Variants in PEX5L observed in about 807,000 individuals in gnomAD.
PEX5L encodes the protein peroxisomal biogenesis factor 5 like.
Under a neutral mutation model 84.0 loss-of-function variants are expected in PEX5L, and 30 were observed. The ratio of observed to expected loss-of-function variants is 0.36; its 90% CI spans 0.27 to 0.48. The LOEUF is 0.48. PEX5L is among the 20% of genes least tolerant of loss of function. PEX5L has a pLI of 0.99. For missense variants in PEX5L, 533 were observed against 754.6 expected, an observed-to-expected ratio of 0.71 and a Z score of 3.44; for synonymous variants, 270 against 283.1, an observed-to-expected ratio of 0.95 and a Z score of 0.46.
At chr3:179,992,127 CAGAGT>C (rs1323269057) in intron 1 of PEX5L, among the ~76,000 whole-genome samples, 1 of 152,078 alleles carries the variant, frequency 6.6e-6, no homozygotes, top group Non-Finnish European at 1.5e-5. Context: ...AAAATGAAGA[CAGAGT>C]AGAGACACAG....
rs372933029 is a variant in PEX5L at position 179,822,693 on chromosome 3, T to C, written c.823-2717A>G. ...TAACTGAGGGGATTTTATTTATTGA[T>C]GATTTTCTTAGCTCTTCTGGGATTT... On this transcript the variant is annotated intron_variant, in intron 8 of 14. Coordinates refer to ENST00000467460, the MANE Select transcript of PEX5L (RefSeq NM_016559.3). Among the ~76,000 whole-genome samples, 6 of 152,358 alleles carry C rather than the reference T, an allele frequency of 3.9e-5. No homozygotes were observed. In the East Asian group the frequency reaches 1.2e-3, roughly 29 times the overall value.
In PEX5L at chr3:179,795,074, C is replaced by CA. The variant is rs1265687483; in HGVS notation, c.*6753dup. 1.3e-5 allele frequency: 2 copies of CA among 151,744 alleles called. No homozygotes were observed. Among genetic ancestry groups the CA allele is most frequent in the East Asian group, 3.9e-4 (2 of 5,174 alleles). The allele number at this position is 151,744 out of a possible 1,614,324, so 9.4% of individuals were successfully genotyped here. ...GATTTTTAAAGTTTTGTTTTATATC[C>CA]AAAAATGCATTCCTGATTTCCAGAT... On this transcript the variant is annotated 3_prime_UTR_variant, in exon 15 of 15. Coordinates refer to ENST00000467460, the MANE Select transcript of PEX5L (RefSeq NM_016559.3).
intron 2 of PEX5L, among the ~76,000 whole-genome samples, chr3:179,917,396 TAAGTA>T (rs1156949830): frequency 6.6e-6 from 1 of 152,194 alleles, no homozygotes; most frequent in Admixed American, 6.5e-5. Flanking sequence ...AATGTATAGT[TAAGTA>T]AATATATAAA....
chr3:180,020,216 G>T (rs897443188), intron 1 of PEX5L, among the ~76,000 whole-genome samples: 4 of 151,958 alleles, frequency 2.6e-5, no homozygotes, highest in Admixed American at 2.6e-4. Context: ...CATATAATGA[G>T]CAAATCATGC....
At chr3:179,804,311 A>G (rs1412266090) in intron 14 of PEX5L, 3 of 152,144 alleles carry the variant, frequency 2.0e-5, no homozygotes, top group Non-Finnish European at 4.4e-5. Context: ...ATGTATAAAT[A>G]ATTTTAAATG....
chr3:179,834,232 G>A (rs754785544), intron 8 of PEX5L, among the ~76,000 whole-genome samples: 58 of 152,226 alleles, frequency 3.8e-4, no homozygotes, highest in Non-Finnish European at 6.9e-4. Flanking sequence ...AAAGAATGGT[G>A]AAGGATGTGT....
In PEX5L at chr3:179,874,455, A is replaced by G. The variant is rs765922997; in HGVS notation, c.630-32T>C. 11 of 1,053,702 alleles carry G rather than the reference A, an allele frequency of 1.0e-5. No individual in the cohort carries two copies. In the South Asian group the frequency reaches 1.3e-4, roughly 12 times the overall value. The allele number at this position is 1,053,702 out of a possible 1,614,324, so 65.3% of individuals were successfully genotyped here. A position where few individuals can be genotyped will look rare whatever the true frequency, so the allele number is the denominator to read the frequency against. On this transcript the variant is annotated intron_variant, in intron 6 of 14. Transcript: ENST00000467460. ...GGGATGCATTAAGGAAATTAAACGT[A>G]CACTAGAAACAAATTAAGCTATAAA... is the stretch of plus-strand genomic sequence containing the variant.
chr3:179,951,648 A>G (rs1779117777), intron 2 of PEX5L, among the ~76,000 whole-genome samples: 1 of 152,122 alleles, frequency 6.6e-6, no homozygotes, highest in Non-Finnish European at 1.5e-5. Flanking sequence ...TGCATTTCTG[A>G]CCACTTAGGA....
Position 179,801,048 on chromosome 3 carries a change from A to G in PEX5L, c.*780T>C, listed in dbSNP as rs1718715293. 1 of 152,622 alleles carries G rather than the reference A, an allele frequency of 6.6e-6. No individual in the cohort carries two copies. The highest frequency in any genetic ancestry group is 2.4e-5 in the African/African-American group (1 of 41,446). 9.5% of individuals were successfully genotyped at this position (152,622 alleles called of 1,614,324 possible). A position where few individuals can be genotyped will look rare whatever the true frequency, so the allele number is the denominator to read the frequency against. ...CTGCTTTAAGAAAAACACTTCTTCA[A>G]AATCCTACACTATGAAAAACTGTCT... On this transcript the variant is annotated 3_prime_UTR_variant, in exon 15 of 15. Coordinates refer to ENST00000467460, the MANE Select transcript of PEX5L (RefSeq NM_016559.3).
intron 1 of PEX5L, among the ~76,000 whole-genome samples, chr3:180,035,969 A>C (rs1036102820): frequency 3.3e-5 from 5 of 152,200 alleles, no homozygotes; most frequent in Admixed American, 3.3e-4. Context: ...ATGAATATTA[A>C]TAACAACCGG....
At chr3:179,906,097 T>C (rs1044999399) in intron 2 of PEX5L, among the ~76,000 whole-genome samples, 10 of 152,220 alleles carry the variant, frequency 6.6e-5, no homozygotes, top group Admixed American at 5.2e-4. Flanking sequence ...CGGGTAAAGA[T>C]GCTTAAAACT....
At chr3:179,979,428 T>C (rs149412636) in intron 1 of PEX5L, among the ~76,000 whole-genome samples, 20 of 152,312 alleles carry the variant, frequency 1.3e-4, no homozygotes, top group Non-Finnish European at 2.8e-4. Context: ...TAATGATGAT[T>C]GAAAAATTAT....
At chr3:179,924,136 G>A (rs946718828) in intron 2 of PEX5L, among the ~76,000 whole-genome samples, 3 of 152,128 alleles carry the variant, frequency 2.0e-5, no homozygotes, top group African/African-American at 4.8e-5. Context: ...CTTCAGTATC[G>A]GGGATAGGTT....
chr3:179,851,884 A>C (rs1228238929), intron 8 of PEX5L, among the ~76,000 whole-genome samples: 4 of 152,174 alleles, frequency 2.6e-5, no homozygotes, highest in Non-Finnish European at 4.4e-5. Flanking sequence ...TAGTAGGGGA[A>C]TAGTTTGAAA....
In PEX5L at chr3:179,815,988, G is replaced by C; in HGVS notation, c.956C>G (p.Thr319Ser). 2 of 1,614,116 alleles carry C rather than the reference G, an allele frequency of 1.2e-6. No homozygotes were observed. The highest frequency in any genetic ancestry group is 1.7e-6 in the Non-Finnish European group (2 of 1,180,002). The change falls in exon 10 of 15, where the codon ACT (threonine) becomes AGT (serine). Residue 319 changes from threonine to serine, a missense_variant. By Grantham distance (58) the Thr-to-Ser change is moderately conservative. This residue lies in a region of PEX5L where 58 missense variants were observed against 56.4 expected (regional missense o/e 1.03). Coordinates refer to ENST00000467460, the MANE Select transcript of PEX5L (RefSeq NM_016559.3). ...SASEKGYYFH[T>S]ENPFKDWPGA... Reference sequence around the variant, plus strand: ...AGGCCAGTCCTTGAAGGGGTTTTCAGTGTGAAAGTAATATCCCTGCAACAC... The same window carrying C: ...AGGCCAGTCCTTGAAGGGGTTTTCACTGTGAAAGTAATATCCCTGCAACAC...
At chr3:179,944,536 G>C (rs1291420216) in intron 2 of PEX5L, among the ~76,000 whole-genome samples, 1 of 152,212 alleles carries the variant, frequency 6.6e-6, no homozygotes, top group East Asian at 1.9e-4. Flanking sequence ...GAGACCAGGA[G>C]CTTAATAAAT....
At chr3:179,973,215 G>A in intron 1 of PEX5L, 2 of 1,288,354 alleles carry the variant, frequency 1.6e-6, no homozygotes, top group Non-Finnish European at 2.0e-6. Context: ...AGTAGAGATG[G>A]AATGTGGGTC....
rs554309653 is a variant in PEX5L, at chr3:180,021,742, A to G, written c.21+14837T>C. 4.6e-5 allele frequency among the ~76,000 whole-genome samples: 7 copies of G among 152,328 alleles called. No individual in the cohort carries two copies. In the South Asian group the frequency reaches 1.5e-3, roughly 32 times the overall value. On this transcript the variant is annotated intron_variant, in intron 1 of 14. Transcript: ENST00000467460. The stretch of plus-strand genomic sequence containing the variant: ...CTGAACATGTTGACTTTGAGTTGGA[A>G]CAGGTACAGGTAGTCAGTTAGTGAG...
intron 2 of PEX5L, among the ~76,000 whole-genome samples, chr3:179,947,458 C>G (rs577969517): frequency 9.5e-4 from 145 of 152,000 alleles, no homozygotes; most frequent in Non-Finnish European, 9.3e-4. Flanking sequence ...AAAAGAGTTT[C>G]AGGGAGCTTA....
Sources: allele counts gnomAD v4.1 joint callset (sites outside exome capture counted in the v4.1 genomes callset), GRCh38; gene constraint gnomAD v4.1.1; regional missense constraint gnomAD v4.1.1; transcripts MANE v1.5; gene names NCBI Gene and HGNC (gene_info 2026-07-23, HGNC 2026-07-21).